The following ZNRF2 variants were observed in gnomAD, a reference collection of about 807,000 sequenced individuals.
ZNRF2 encodes zinc and ring finger 2.
A neutral mutation model predicts 20.4 loss-of-function variants in ZNRF2; 16 were observed. That is an observed-to-expected ratio of 0.79 (90% CI 0.53 to 1.19). The LOEUF (loss-of-function observed/expected upper bound fraction) is 1.19, where lower values mean the gene tolerates loss of function less well. Ranked by LOEUF, ZNRF2 falls within the 50% of genes most tolerant of loss-of-function variation. The probability of loss-of-function intolerance (pLI) is 0.00; values close to 1 mark genes in which losing one functional copy is unlikely to be tolerated. For synonymous variants in ZNRF2, 178 were observed against 144.9 expected (o/e 1.23, Z -1.64); for missense variants, 363 against 332.4 (o/e 1.09, Z -0.72).
Position 30,285,684 on chromosome 7 carries a change from C to T in ZNRF2, c.327C>T (p.Gly109=). Residue 109 remains glycine, a synonymous_variant, in exon 1 of 5, where the codon GGC becomes GGT. Transcript: ENST00000323037. ...SPFSIPNSSS[G]PYGSQDSVHS... ...TCAGCATCCCGAACAGCAGCAGCGG[C>T]CCGTACGGCTCGCAGGACTCGGTGC... 1 of 1,459,504 alleles carries T rather than the reference C, an allele frequency of 6.9e-7. No homozygotes were observed. The highest frequency in any genetic ancestry group is 9.0e-7 in the Non-Finnish European group (1 of 1,112,590). 90.4% of individuals were successfully genotyped at this position (1,459,504 alleles called of 1,614,324 possible).
intron 1 of ZNRF2, among the ~76,000 whole-genome samples, 184 bp from the exon 2 acceptor site, chr7:30,323,458 T>A (rs1456432159): frequency 6.6e-6 from 1 of 152,226 alleles, no homozygotes; most frequent in Non-Finnish European, 1.5e-5. Flanking sequence ...ATCATCTTCA[T>A]AAACTGATAC....
rs1798761133 is a variant in ZNRF2, at chr7:30,285,537, C to T, written c.180C>T (p.Ser60=). 1.0e-6 allele frequency: 1 copy of T among 982,792 alleles called. No homozygotes were observed. The highest frequency in any genetic ancestry group is 1.2e-6 in the Non-Finnish European group (1 of 830,454). The allele number at this position is 982,792 out of a possible 1,614,324, so 60.9% of individuals were successfully genotyped here. A position where few individuals can be genotyped will look rare whatever the true frequency, so the allele number is the denominator to read the frequency against. The change falls in exon 1 of 5, where the codon AGC becomes AGT. Residue 60 remains serine, a synonymous_variant. Transcript: ENST00000323037. ...PAQVPSAHQP[S]ASGGAAAAAA... ...AGGTGCCCAGCGCGCACCAGCCCAGCGCCTCCGGCGGCGCCGCGGCGGCCG... is the reference window on the plus strand; with the variant it reads ...AGGTGCCCAGCGCGCACCAGCCCAGTGCCTCCGGCGGCGCCGCGGCGGCCG...
rs1480098921 is a variant in ZNRF2, at chr7:30,285,545, G to A, written c.188G>A (p.Gly63Asp). 6.1e-6 allele frequency: 6 copies of A among 976,912 alleles called. No homozygotes were observed. The highest frequency in any genetic ancestry group is 7.3e-6 in the Non-Finnish European group (6 of 826,798). The allele number at this position is 976,912 out of a possible 1,614,324, so 60.5% of individuals were successfully genotyped here. A position where few individuals can be genotyped will look rare whatever the true frequency, so the allele number is the denominator to read the frequency against. Residue 63 changes from glycine (G) to aspartate (D), a missense_variant, in exon 1 of 5, where the codon GGC becomes GAC. By Grantham distance (94) the Gly-to-Asp change is moderately conservative (BLOSUM62 -1). Around this residue, in one of 2 missense-constraint regions of ZNRF2, gnomAD observed 302 missense variants for 231.5 expected, o/e 1.30. Coordinates refer to ENST00000323037, the MANE Select transcript of ZNRF2 (RefSeq NM_147128.4). Reference sequence around the variant, plus strand: ...AGCGCGCACCAGCCCAGCGCCTCCGGCGGCGCCGCGGCGGCCGCGGCGGCC... The same window carrying A: ...AGCGCGCACCAGCCCAGCGCCTCCGACGGCGCCGCGGCGGCCGCGGCGGCC... ...VPSAHQPSAS[G>D]GAAAAAAAPA...
At chr7:30,349,200 T>C (rs1369620104) in intron 2 of ZNRF2, among the ~76,000 whole-genome samples, 2 of 152,202 alleles carry the variant, frequency 1.3e-5, no homozygotes, top group African/African-American at 4.8e-5. Flanking sequence ...CCATGTGAGA[T>C]GTAGGTATTA....
In ZNRF2 at chr7:30,303,930, G is replaced by T. The variant is rs148063623; in HGVS notation, c.469+18104G>T. 2.1e-3 allele frequency among the ~76,000 whole-genome samples: 315 copies of T among 152,254 alleles called. 2 individuals carry two copies. The highest frequency in any genetic ancestry group is 7.2e-3 in the African/African-American group (301 of 41,558). On this transcript the variant is annotated intron_variant, in intron 1 of 4. Transcript: ENST00000323037. ...TAAATTCAGACTGTAAAAGCAGCAG[G>T]AACTCTATTTGTGGTTCCAGATTCT... is the stretch of plus-strand genomic sequence containing the variant.
At chr7:30,310,885 T>TGTCCTGTCCTGTCC (rs1562608786) in intron 1 of ZNRF2, among the ~76,000 whole-genome samples, 20 of 142,608 alleles carry the variant, frequency 1.4e-4, no homozygotes, top group African/African-American at 4.4e-4. Flanking sequence ...CTGTCCTGTC[T>TGTCCTGTCCTGTCC]TGTCCTGTCC....
intron 2 of ZNRF2, among the ~76,000 whole-genome samples, chr7:30,352,214 T>C (rs1243109899): frequency 2.0e-5 from 3 of 152,040 alleles, no homozygotes; most frequent in Admixed American, 1.3e-4. Flanking sequence ...AAATTCATAT[T>C]AAGTTTTCAA....
intron 2 of ZNRF2, among the ~76,000 whole-genome samples, chr7:30,330,526 G>T (rs774296174): frequency 6.6e-6 from 1 of 152,068 alleles, no homozygotes; most frequent in Non-Finnish European, 1.5e-5. Context: ...ATTCCAGTTT[G>T]CATATACAGC....
intron 1 of ZNRF2, among the ~76,000 whole-genome samples, chr7:30,300,102 A>G (rs901139742): frequency 6.7e-6 from 1 of 149,980 alleles, no homozygotes. Context: ...TTTTCTCCAT[A>G]ACATATATTT....
intron 3 of ZNRF2, among the ~76,000 whole-genome samples, chr7:30,356,927 G>C (rs1009271964): frequency 2.0e-5 from 3 of 152,026 alleles, no homozygotes; most frequent in Admixed American, 2.0e-4. Flanking sequence ...GGATGGTCTT[G>C]ATCTCCTGAC....
rs1364884161 is a variant in ZNRF2 at position 30,285,162 on chromosome 7, G to T, written c.-196G>T. 1 of 419,344 alleles carries T rather than the reference G, an allele frequency of 2.4e-6. No homozygotes were observed. Among genetic ancestry groups the T allele is most frequent in the South Asian group, 1.7e-5 (1 of 58,066 alleles). The allele number at this position is 419,344 out of a possible 1,614,324, so 26.0% of individuals were successfully genotyped here. A position where few individuals can be genotyped will look rare whatever the true frequency, so the allele number is the denominator to read the frequency against. The stretch of plus-strand genomic sequence containing the variant: ...TCTCCCGCGCCCGCGTCAGGCCGTC[G>T]GCCTCGCCCGCCGCCCCAAGAAGAG... On this transcript the variant is annotated 5_prime_UTR_variant, in exon 1 of 5. Transcript: ENST00000323037.
chr7:30,309,917 A>T (rs955068177), intron 1 of ZNRF2, among the ~76,000 whole-genome samples: 2 of 152,330 alleles, frequency 1.3e-5, no homozygotes, highest in Middle Eastern at 6.8e-3. Flanking sequence ...ATGGCTTTGT[A>T]TATGAATAAA....
chr7:30,362,132 G>A (rs1800136689), intron 3 of ZNRF2, among the ~76,000 whole-genome samples: 1 of 152,082 alleles, frequency 6.6e-6, no homozygotes, highest in South Asian at 2.1e-4. Context: ...ATTATCTTTT[G>A]GAAGTAGTTC....
chr7:30,294,357 C>T (rs1167276550), intron 1 of ZNRF2, among the ~76,000 whole-genome samples: 1 of 152,138 alleles, frequency 6.6e-6, no homozygotes, highest in Non-Finnish European at 1.5e-5. Flanking sequence ...CTTTTAAAAT[C>T]AGTTCTATCG....
chr7:30,334,260 C>G (rs1799683856), intron 2 of ZNRF2, among the ~76,000 whole-genome samples: 1 of 152,038 alleles, frequency 6.6e-6, no homozygotes, highest in Admixed American at 6.6e-5. Context: ...TGTCCTTTCC[C>G]TGTTGTTTAT....
intron 3 of ZNRF2, among the ~76,000 whole-genome samples, chr7:30,359,708 A>G (rs1296439996): frequency 6.6e-6 from 1 of 152,218 alleles, no homozygotes; most frequent in African/African-American, 2.4e-5. Context: ...ATAACTCAGC[A>G]GTCTCAATCC....
intron 3 of ZNRF2, among the ~76,000 whole-genome samples, chr7:30,356,427 A>G (rs1800039431): frequency 6.6e-6 from 1 of 152,190 alleles, no homozygotes; most frequent in South Asian, 2.1e-4. Context: ...ACAAAAATAT[A>G]TCCAAATATA....
chr7:30,314,831 T>C (rs1278250286), intron 1 of ZNRF2, among the ~76,000 whole-genome samples: 4 of 151,698 alleles, frequency 2.6e-5, no homozygotes, highest in Admixed American at 1.3e-4. Flanking sequence ...GTATTTTTTT[T>C]TTTTGGAGAC....
chr7:30,324,513 C>G (rs941585955), intron 2 of ZNRF2, among the ~76,000 whole-genome samples: 1 of 149,916 alleles, frequency 6.7e-6, no homozygotes. Context: ...TGTGCCACTG[C>G]ACTCCAGCCT....
Sources: allele counts gnomAD v4.1 joint callset (sites outside exome capture counted in the v4.1 genomes callset), GRCh38; gene constraint gnomAD v4.1.1; regional missense constraint gnomAD v4.1.1; transcripts MANE v1.5; gene names NCBI Gene and HGNC (gene_info 2026-07-23, HGNC 2026-07-21).